Variants in MALRD1 observed in about 807,000 individuals in gnomAD.
The protein encoded by MALRD1 is MAM and LDL receptor class A domain containing 1.
MALRD1 carries 247 observed loss-of-function variants against 242.1 expected under a neutral mutation model. The ratio of observed to expected loss-of-function variants is 1.02; its 90% CI spans 0.92 to 1.13. MALRD1 has a LOEUF of 1.13. Among genes scored for constraint, MALRD1 ranks in the 50% most tolerant of loss-of-function variants. The pLI is 0.00. For synonymous variants in MALRD1, 995 were observed against 866.6 expected (o/e 1.15, Z -2.60); for missense variants, 2,989 against 2,533.1 (o/e 1.18, Z -3.86).
At chr10:19,053,923 G>A (rs1053564780) in intron 1 of MALRD1, among the ~76,000 whole-genome samples, 28 of 151,968 alleles carry the variant, frequency 1.8e-4, no homozygotes, top group Non-Finnish European at 3.5e-4. Context: ...AAAAAACTGA[G>A]TCCTCAAGAT....
intron 21 of MALRD1, among the ~76,000 whole-genome samples, chr10:19,294,986 G>A (rs1249625089): frequency 2.0e-5 from 3 of 151,940 alleles, no homozygotes; most frequent in African/African-American, 7.2e-5. Context: ...TTTGCAATCT[G>A]TAATCATCTA....
intron 35 of MALRD1, among the ~76,000 whole-genome samples, chr10:19,615,427 G>T (rs1360758723): frequency 7.0e-6 from 1 of 142,528 alleles, no homozygotes; most frequent in Non-Finnish European, 1.5e-5. Flanking sequence ...GAGGTGGGAG[G>T]ATTGCTTGAG....
At chr10:19,243,466 T>C (rs1838891438) in intron 18 of MALRD1, among the ~76,000 whole-genome samples, 1 of 152,184 alleles carries the variant, frequency 6.6e-6, no homozygotes, top group South Asian at 2.1e-4. Flanking sequence ...TTTTACAGGA[T>C]AAATATATTA....
intron 36 of MALRD1, among the ~76,000 whole-genome samples, chr10:19,638,702 C>T (rs1452926077): frequency 6.6e-6 from 1 of 152,144 alleles, no homozygotes; most frequent in Non-Finnish European, 1.5e-5. Flanking sequence ...GGTTTGTTTG[C>T]AATGATTATG....
intron 36 of MALRD1, among the ~76,000 whole-genome samples, chr10:19,680,261 G>A (rs1031085628): frequency 1.1e-4 from 16 of 152,080 alleles, no homozygotes; most frequent in African/African-American, 3.4e-4. Flanking sequence ...CACTATTATT[G>A]TGTGGAAGTA....
chr10:19,451,278 A>T (rs1201288504), intron 29 of MALRD1, among the ~76,000 whole-genome samples: 1 of 152,208 alleles, frequency 6.6e-6, no homozygotes, highest in East Asian at 1.9e-4. Context: ...ATCAGGCAAA[A>T]TTGAAGCAGA....
intron 36 of MALRD1, among the ~76,000 whole-genome samples, chr10:19,630,450 T>C (rs1002487487): frequency 6.6e-6 from 1 of 152,136 alleles, no homozygotes; most frequent in Non-Finnish European, 1.5e-5. Context: ...AATTCTAAGT[T>C]TGGAATAAGA....
rs748078256 is a variant in MALRD1, at chr10:19,305,349, G to T, written c.3420-18600G>T. Among the ~76,000 whole-genome samples the T allele has an allele frequency of 5.3e-5, 8 of 151,586 alleles. No individual in the cohort carries two copies. The East Asian group carries it at 1.4e-3, about 26-fold the overall frequency. On this transcript the variant is annotated intron_variant, in intron 21 of 39. Coordinates refer to ENST00000454679, the MANE Select transcript of MALRD1 (RefSeq NM_001142308.3). ...TGAAATTCTTCTTTGAAAATTATAC[G>T]AATAAGAAATATGCCCCAAGTAAGG... is the stretch of plus-strand genomic sequence containing the variant.
At chr10:19,600,593 C>T (rs1838298474) in intron 34 of MALRD1, among the ~76,000 whole-genome samples, 1 of 152,136 alleles carries the variant, frequency 6.6e-6, no homozygotes, top group East Asian at 1.9e-4. Flanking sequence ...AGTTTCTCTG[C>T]CATTAGAAAT....
chr10:19,219,559 C>A (rs1837470073), intron 18 of MALRD1, among the ~76,000 whole-genome samples: 1 of 152,062 alleles, frequency 6.6e-6, no homozygotes, highest in African/African-American at 2.4e-5. Flanking sequence ...GATTCAGCCT[C>A]CCAAGTAGCT....
At chr10:19,664,291 CTAATT>C (rs1841575948) in intron 36 of MALRD1, among the ~76,000 whole-genome samples, 3 of 152,018 alleles carry the variant, frequency 2.0e-5, no homozygotes. Flanking sequence ...TTAATTAGAT[CTAATT>C]TAATTTCTTT....
At position 19,559,284 on chromosome 10, in the gene MALRD1, T is replaced by C. The variant is rs76248290; in HGVS notation, c.5479-8218T>C. ...CTTTTGTCATTTTCAATATTAATGC[T>C]TTGGGTCTTCTCTCTTTTTTTCTCA... On this transcript the variant is annotated intron_variant, in intron 32 of 39. Transcript: ENST00000454679. Among the ~76,000 whole-genome samples the C allele has an allele frequency of 3.4e-3, 523 of 152,098 alleles. 21 individuals carry two copies. The East Asian group carries it at 0.083, about 24-fold the overall frequency.
intron 28 of MALRD1, among the ~76,000 whole-genome samples, chr10:19,390,254 A>C (rs1846281969): frequency 6.6e-6 from 1 of 152,196 alleles, no homozygotes; most frequent in Non-Finnish European, 1.5e-5. Context: ...CTGAAAGAAG[A>C]CCGGCTATCC....
At chr10:19,133,789 G>A (rs1240917389) in intron 8 of MALRD1, 67 bp from the exon 9 acceptor site, 1 of 631,304 alleles carries the variant, frequency 1.6e-6, no homozygotes, top group Non-Finnish European at 2.3e-6. Flanking sequence ...GTAATTAAAA[G>A]AGCATGTATG....
At chr10:19,259,371 C>G (rs2131812616) in intron 19 of MALRD1, among the ~76,000 whole-genome samples, 1 of 152,214 alleles carries the variant, frequency 6.6e-6, no homozygotes, top group Non-Finnish European at 1.5e-5. Flanking sequence ...ATACCCGAGC[C>G]TGGGTAATTT....
intron 23 of MALRD1, among the ~76,000 whole-genome samples, chr10:19,328,350 TC>T (rs1451705374): frequency 6.6e-6 from 1 of 152,132 alleles, no homozygotes; most frequent in Non-Finnish European, 1.5e-5. Flanking sequence ...GAGGCTTAGC[TC>T]TGAAGATTTG....
intron 34 of MALRD1, among the ~76,000 whole-genome samples, chr10:19,605,159 TA>T (rs1490036896): frequency 2.9e-5 from 3 of 103,532 alleles, no homozygotes; most frequent in African/African-American, 4.6e-5. Context: ...ATTTTTTTAT[TA>T]TTATTTTTTT....
chr10:19,390,305 A>G (rs1846284237), intron 28 of MALRD1, among the ~76,000 whole-genome samples: 1 of 152,314 alleles, frequency 6.6e-6, no homozygotes, highest in Middle Eastern at 3.4e-3. Flanking sequence ...GGAAGTAATA[A>G]TAGACATTCT....
intron 24 of MALRD1, among the ~76,000 whole-genome samples, chr10:19,341,482 GTGTATATATA>G (rs1467954891): frequency 1.7e-4 from 15 of 86,800 alleles, no homozygotes; most frequent in South Asian, 3.2e-4. Context: ...GTATATATAT[GTGTATATATA>G]TGTATATATG....
Sources: gnomAD v4.1 joint callset for allele counts (sites outside exome capture counted in the v4.1 genomes callset) on GRCh38, gnomAD v4.1.1 for gene constraint, MANE v1.5 for transcripts, NCBI Gene and HGNC (gene_info 2026-07-23, HGNC 2026-07-21) for gene names.